PMS1: variants seen among roughly 807,000 people sequenced by gnomAD.
PMS1 encodes the protein PMS1 homolog 1, mismatch repair system component.
Under a neutral mutation model 93.1 loss-of-function variants are expected in PMS1, and 79 were observed. The ratio of observed to expected loss-of-function variants is 0.85; its 90% CI spans 0.71 to 1.02. The LOEUF (loss-of-function observed/expected upper bound fraction) is 1.02, where lower values mean the gene tolerates loss of function less well. Among genes scored for constraint, PMS1 ranks in the 50% least tolerant of loss-of-function variants. The pLI, the probability that PMS1 is intolerant of heterozygous loss-of-function variation, is 0.00. For missense variants in PMS1, 1,064 were observed against 1,085.3 expected (o/e 0.98, Z 0.28); for synonymous variants, 335 against 363.4 (o/e 0.92, Z 0.89).
chr2:189,855,214 T>C (rs1179962024), intron 9 of PMS1, 86 bp downstream of exon 9: 29 of 1,128,952 alleles, frequency 2.6e-5, no homozygotes, highest in Non-Finnish European at 3.3e-5. Flanking sequence ...TTTTTTTCAC[T>C]TCTTATTTAT....
intron 5 of PMS1, among the ~76,000 whole-genome samples, chr2:189,821,261 C>G (rs1488710963): frequency 6.7e-6 from 1 of 150,032 alleles, no homozygotes; most frequent in Non-Finnish European, 1.5e-5. Flanking sequence ...TCGAGACTAT[C>G]CTGGCTAACA....
intron 2 of PMS1, among the ~76,000 whole-genome samples, chr2:189,794,357 T>C (rs1049369920): frequency 4.6e-5 from 7 of 152,300 alleles, no homozygotes; most frequent in Admixed American, 2.6e-4. Context: ...TCTAATGATC[T>C]GCCTGCCTTG....
chr2:189,807,288 AAC>A (rs1288023072), intron 4 of PMS1, among the ~76,000 whole-genome samples: 1 of 152,160 alleles, frequency 6.6e-6, no homozygotes, highest in African/African-American at 2.4e-5. Context: ...GCTCAAGTCT[AAC>A]AGCTATTTTA....
chr2:189,789,927 C>T (rs77971719), intron 1 of PMS1, among the ~76,000 whole-genome samples: 354 of 152,242 alleles, frequency 2.3e-3, no homozygotes, highest in Middle Eastern at 0.02. Context: ...GCACCCCCCT[C>T]CCTGCATGCT....
chr2:189,851,944 C>T (rs557308278), intron 6 of PMS1, among the ~76,000 whole-genome samples: 1 of 152,168 alleles, frequency 6.6e-6, no homozygotes, highest in Non-Finnish European at 1.5e-5. Context: ...AGCATGTTCT[C>T]TGCTTCCTAT....
At chr2:189,866,847 G>GAGCCTGCACCACAGATAT (rs1471954972) in intron 10 of PMS1, among the ~76,000 whole-genome samples, 1 of 152,142 alleles carries the variant, frequency 6.6e-6, no homozygotes, top group Non-Finnish European at 1.5e-5. Flanking sequence ...TTTAACTGTG[G>GAGCCTGCACCACAGATAT]AGCCTGCACC....
At chr2:189,830,494 G>A (rs1020673273) in intron 5 of PMS1, among the ~76,000 whole-genome samples, 4 of 151,846 alleles carry the variant, frequency 2.6e-5, no homozygotes, top group Admixed American at 6.6e-5. Context: ...CTGTCCCCCC[G>A]CTTCCCCACT....
intron 6 of PMS1, among the ~76,000 whole-genome samples, chr2:189,850,883 C>T (rs142318655): frequency 2.6e-3 from 395 of 152,004 alleles, no homozygotes; most frequent in African/African-American, 9.2e-3. Context: ...CCTGCTTATA[C>T]GGGATTAGAG....
chr2:189,804,961 G>A (rs1218664188), intron 3 of PMS1, among the ~76,000 whole-genome samples: 1 of 151,986 alleles, frequency 6.6e-6, no homozygotes, highest in Non-Finnish European at 1.5e-5. Flanking sequence ...CATGGGGTAA[G>A]TAAATAGAAA....
Position 189,818,036 on chromosome 2 carries a change from A to G in PMS1, c.438A>G (p.Leu146=), listed in dbSNP as rs1404484933. The G allele has an allele frequency of 1.2e-6, 2 of 1,609,568 alleles. No homozygotes were observed. Among genetic ancestry groups the G allele is most frequent in the Non-Finnish European group, 1.7e-6 (2 of 1,176,476 alleles). ...HLGQGTTVTA[L]RLFKNLPVRK... is the part of the protein sequence containing the mutation. Reference sequence around the variant, plus strand: ...CAACAGGTACAACTGTAACTGCTTTAAGATTATTTAAGAATCTACCTGTAA... The same window carrying G: ...CAACAGGTACAACTGTAACTGCTTTGAGATTATTTAAGAATCTACCTGTAA... Residue 146 remains leucine, a synonymous_variant, in exon 5 of 13, where the codon TTA becomes TTG. Coordinates refer to ENST00000441310, the MANE Select transcript of PMS1 (RefSeq NM_000534.5).
intron 4 of PMS1, among the ~76,000 whole-genome samples, chr2:189,811,964 T>C (rs755287176): frequency 2.0e-5 from 3 of 152,132 alleles, no homozygotes; most frequent in African/African-American, 4.8e-5. Flanking sequence ...ATTGGAAACA[T>C]AGAAGTCCAA....
chr2:189,790,215 A>G (rs5742972), intron 1 of PMS1, among the ~76,000 whole-genome samples: 2,463 of 152,322 alleles, frequency 0.016, 64 homozygotes, highest in African/African-American at 0.056. Flanking sequence ...TCAGTGATTG[A>G]AAAAGACATT....
chr2:189,793,594 T>C (rs555998794), intron 2 of PMS1, among the ~76,000 whole-genome samples: 3 of 152,160 alleles, frequency 2.0e-5, no homozygotes, highest in East Asian at 1.9e-4. Flanking sequence ...TAGATAGTTA[T>C]ATCTGACAGA....
chr2:189,796,270 A>G (rs960576208), intron 3 of PMS1, among the ~76,000 whole-genome samples: 2 of 152,068 alleles, frequency 1.3e-5, no homozygotes, highest in African/African-American at 2.4e-5. Flanking sequence ...AGGCAGGAGA[A>G]TTGCTTGAAC....
chr2:189,802,433 A>G (rs1247283949), intron 3 of PMS1, among the ~76,000 whole-genome samples: 1 of 152,202 alleles, frequency 6.6e-6, no homozygotes, highest in Non-Finnish European at 1.5e-5. Context: ...TTAAGTGTTC[A>G]TGTTGAGTAG....
chr2:189,813,804 G>A (rs150765663), intron 4 of PMS1, among the ~76,000 whole-genome samples: 24 of 152,274 alleles, frequency 1.6e-4, no homozygotes, highest in Middle Eastern at 3.4e-3. Flanking sequence ...TGTGTTACAC[G>A]GGACTGTTGT....
chr2:189,831,742 G>A (rs1271449932), intron 5 of PMS1, among the ~76,000 whole-genome samples: 1 of 152,112 alleles, frequency 6.6e-6, no homozygotes, highest in African/African-American at 2.4e-5. Flanking sequence ...AGAGAGAAAA[G>A]CTAATCAGCT....
chr2:189,805,784 C>G (rs1559232362), intron 4 of PMS1, 30 bp downstream of exon 4: 1 of 1,612,224 alleles, frequency 6.2e-7, no homozygotes, highest in Admixed American at 1.7e-5. Context: ...TACAAACATT[C>G]TTTACCTTTT....
intron 6 of PMS1, among the ~76,000 whole-genome samples, chr2:189,847,661 A>G (rs2054362889): frequency 6.6e-6 from 1 of 151,926 alleles, no homozygotes; most frequent in Admixed American, 6.6e-5. Flanking sequence ...CAGTCCTCTA[A>G]TTCTCTTGTC....
Sources: gnomAD v4.1 joint callset for allele counts (sites outside exome capture counted in the v4.1 genomes callset) on GRCh38, gnomAD v4.1.1 for gene constraint, MANE v1.5 for transcripts, NCBI Gene and HGNC (gene_info 2026-07-23, HGNC 2026-07-21) for gene names.